Variants in ABCD2 observed in about 807,000 individuals in gnomAD.
The protein encoded by ABCD2 is ATP-binding cassette sub-family D member 2.
ABCD2 carries 36 observed loss-of-function variants against 70.9 expected under a neutral mutation model. That is an observed-to-expected ratio of 0.51 (90% CI 0.39 to 0.67). The LOEUF is 0.67. Among genes scored for constraint, ABCD2 ranks in the 30% least tolerant of loss-of-function variants. The pLI is 0.00. For synonymous variants in ABCD2, 304 were observed against 306.9 expected, an observed-to-expected ratio of 0.99 and a Z score of 0.10; for missense variants, 729 against 890.2, an observed-to-expected ratio of 0.82 and a Z score of 2.30.
intron 9 of ABCD2, among the ~76,000 whole-genome samples, chr12:39,566,001 CT>C (rs1205231663): frequency 6.6e-6 from 1 of 152,106 alleles, no homozygotes. Context: ...GGTGGATAAG[CT>C]TTTTGATGTG....
Position 39,586,154 on chromosome 12 carries a change from C to G in ABCD2, c.1790G>C (p.Gly597Ala), listed in dbSNP as rs1269634027. 1 of 1,607,596 alleles carries G rather than the reference C, an allele frequency of 6.2e-7. No individual in the cohort carries two copies. The highest frequency in any genetic ancestry group is 8.5e-7 in the Non-Finnish European group (1 of 1,177,274). Residue 597 changes from glycine (G) to alanine (A), a missense_variant and splice_region_variant, in exon 7 of 10, where the codon GGA (glycine) becomes GCA (alanine). Gly to Ala is a moderately conservative substitution (Grantham distance 60). Coordinates refer to ENST00000308666, the MANE Select transcript of ABCD2 (RefSeq NM_005164.4). ...VHLYHIVQRE[G>A]GWDAVMDWKD... Reference sequence around the variant, plus strand: ...TAGAAAAGAATGATAGACTTTACCTCCTTCTCTTTGAACTATGTGATAGAG... The same window carrying G: ...TAGAAAAGAATGATAGACTTTACCTGCTTCTCTTTGAACTATGTGATAGAG...
At chr12:39,597,361 G>A (rs1484817322) in intron 6 of ABCD2, among the ~76,000 whole-genome samples, 2 of 152,096 alleles carry the variant, frequency 1.3e-5, no homozygotes, top group Non-Finnish European at 2.9e-5. Context: ...AAGTAAAAGG[G>A]TGGGTTTAGG....
intron 8 of ABCD2, among the ~76,000 whole-genome samples, chr12:39,577,509 G>A (rs2120608003): frequency 6.6e-6 from 1 of 152,216 alleles, no homozygotes; most frequent in Non-Finnish European, 1.5e-5. Flanking sequence ...AAGGTAGGTG[G>A]GGCCTGGGAG....
chr12:39,534,693 A>C, the ABCD2 span, among the ~76,000 whole-genome samples: 3 of 86,336 alleles, frequency 3.5e-5, no homozygotes, highest in East Asian at 3.0e-4. Flanking sequence ...GAAGGAAGGA[A>C]GGAAGGACGG....
intron 6 of ABCD2, among the ~76,000 whole-genome samples, chr12:39,589,698 A>G (rs374126436): frequency 1.3e-4 from 19 of 151,970 alleles, no homozygotes; most frequent in African/African-American, 4.3e-4. Context: ...TATCTGAGCT[A>G]TTGTTATTTA....
chr12:39,619,121 C>A lies in ABCD2; in HGVS notation c.495G>T (p.Arg165Ser), dbSNP rs1343993164. 3.1e-6 allele frequency: 5 copies of A among 1,614,172 alleles called. No homozygotes were observed. The South Asian group carries it at 3.3e-5, about 11-fold the overall frequency. ...IPATFVNSAI[R>S]YLECKLALAF... ...CCAAAGCCAATTTGCATTCCAGGTA[C>A]CTTATTGCACTGTTGACGAAGGTAG... Residue 165 changes from arginine (R) to serine (S), a missense_variant, in exon 1 of 10, where the codon AGG becomes AGT. This residue lies in a region of ABCD2 where 245 missense variants were observed against 261.2 expected (regional missense o/e 0.94). Transcript: ENST00000308666.
chr12:39,559,245 G>A (rs1309583494), intron 9 of ABCD2, among the ~76,000 whole-genome samples: 1 of 151,812 alleles, frequency 6.6e-6, no homozygotes, highest in Admixed American at 6.6e-5. Flanking sequence ...GGTGGTGTGT[G>A]CCTGTACTCT....
At chr12:39,614,360 T>C (rs1942086975) in intron 2 of ABCD2, among the ~76,000 whole-genome samples, 1 of 152,200 alleles carries the variant, frequency 6.6e-6, no homozygotes, top group East Asian at 1.9e-4. Flanking sequence ...TGTGTATAAT[T>C]ATCTCTATAG....
At position 39,550,648 on chromosome 12, in the gene ABCD2, A is replaced by G. The variant is rs1442133272; in HGVS notation, c.*3264T>C. 6.6e-6 allele frequency: 1 copy of G among 151,808 alleles called. No homozygotes were observed. Among genetic ancestry groups the G allele is most frequent in the Non-Finnish European group, 1.5e-5 (1 of 67,724 alleles). 9.4% of individuals were successfully genotyped at this position (151,808 alleles called of 1,614,324 possible). A position where few individuals can be genotyped will look rare whatever the true frequency, so the allele number is the denominator to read the frequency against. On this transcript the variant is annotated 3_prime_UTR_variant, in exon 10 of 10. Coordinates refer to ENST00000308666, the MANE Select transcript of ABCD2 (RefSeq NM_005164.4). ...CAAAACATATTCAACCCCAAAACATATTCAACATATCTAAATGTATATAAT... is the reference window on the plus strand; with the variant it reads ...CAAAACATATTCAACCCCAAAACATGTTCAACATATCTAAATGTATATAAT...
chr12:39,564,389 G>A (rs1395699383), intron 9 of ABCD2, among the ~76,000 whole-genome samples: 1 of 152,214 alleles, frequency 6.6e-6, no homozygotes, highest in African/African-American at 2.4e-5. Flanking sequence ...ATGATGATGA[G>A]CATTTCTTCA....
chr12:39,615,841 C>T (rs1457036854), intron 2 of ABCD2, among the ~76,000 whole-genome samples: 1 of 152,012 alleles, frequency 6.6e-6, no homozygotes, highest in African/African-American at 2.4e-5. Flanking sequence ...TACAAAATAA[C>T]TATAAAACAG....
rs745852510 is a variant in ABCD2, at chr12:39,619,449, G to C, written c.167C>G (p.Ala56Gly). 1 of 1,614,044 alleles carries C rather than the reference G, an allele frequency of 6.2e-7. No individual in the cohort carries two copies. The highest frequency in any genetic ancestry group is 1.1e-5 in the South Asian group (1 of 91,076). Residue 56 changes from alanine to glycine, a missense_variant, in exon 1 of 10, where the codon GCT becomes GGT. Physicochemically the swap from Ala to Gly is moderately conservative, Grantham distance 60. Around this residue, in one of 3 missense-constraint regions of ABCD2, gnomAD observed 245 missense variants for 261.2 expected, o/e 0.94. Coordinates refer to ENST00000308666, the MANE Select transcript of ABCD2 (RefSeq NM_005164.4). Reference sequence around the variant, plus strand: ...TTCTGTGTTCTCTGCAGCAGGGTAAGCTGCTGCTTTTTTCTTCCCGTGGCC... The same window carrying C: ...TTCTGTGTTCTCTGCAGCAGGGTAACCTGCTGCTTTTTTCTTCCCGTGGCC... ...QSGHGKKKAA[A>G]YPAAENTEIL...
At chr12:39,592,594 A>G (rs191249646) in intron 6 of ABCD2, among the ~76,000 whole-genome samples, 1 of 152,360 alleles carries the variant, frequency 6.6e-6, no homozygotes, top group East Asian at 1.9e-4. Context: ...TCCCAAAGCC[A>G]TATTTCTTTG....
intron 6 of ABCD2, among the ~76,000 whole-genome samples, chr12:39,597,711 T>C (rs1449209594): frequency 1.3e-5 from 2 of 152,222 alleles, no homozygotes; most frequent in Non-Finnish European, 2.9e-5. Flanking sequence ...CATTTTAACA[T>C]CCACCATTCC....
rs58771682 is a variant in ABCD2 at position 39,607,745 on chromosome 12, GTTT to G, written c.1121-34_1121-32del. The G allele has an allele frequency of 8.6e-4, 667 of 774,522 alleles. 1 individual carries two copies. Among genetic ancestry groups the G allele is most frequent in the Non-Finnish European group, 9.8e-4 (506 of 514,284 alleles). The allele number at this position is 774,522 out of a possible 1,614,324, so 48.0% of individuals were successfully genotyped here. A position where few individuals can be genotyped will look rare whatever the true frequency, so the allele number is the denominator to read the frequency against. On this transcript the variant is annotated intron_variant, in intron 2 of 9. Transcript: ENST00000308666. The stretch of plus-strand genomic sequence containing the variant: ...TATAAAAACAAATTACAAAACTTGA[GTTT>G]TTTTTTTTTTTTTTTTTAGTAACTT...
intron 9 of ABCD2, among the ~76,000 whole-genome samples, chr12:39,554,733 G>A (rs914330609): frequency 6.6e-6 from 1 of 152,072 alleles, no homozygotes; most frequent in Non-Finnish European, 1.5e-5. Context: ...CTTCACAGAG[G>A]TACAGAGATT....
rs145840107 is a variant in ABCD2, at chr12:39,604,776, G to A, written c.1391C>T (p.Thr464Ile). The change falls in exon 4 of 10, where the codon ACA (threonine) becomes ATA (isoleucine). Residue 464 changes from threonine (T) to isoleucine (I), a missense_variant. Transcript: ENST00000308666. ...GAKVELPLSD[T>I]LAIKGKVIDV... ...GAGTTTAATACCTTTAATTGCCAAT[G>A]TGTCACTGAGAGGTAATTCTACCTT... 7 of 1,596,792 alleles carry A rather than the reference G, an allele frequency of 4.4e-6. No individual in the cohort carries two copies. In the African/African-American group the frequency reaches 6.8e-5, roughly 15 times the overall value.
chr12:39,596,152 A>G (rs1941811994), intron 6 of ABCD2, among the ~76,000 whole-genome samples: 1 of 152,182 alleles, frequency 6.6e-6, no homozygotes, highest in South Asian at 2.1e-4. Context: ...GCTTACTTGA[A>G]TCTGTGGTAT....
chr12:39,615,049 T>C (rs2120783063), intron 2 of ABCD2, among the ~76,000 whole-genome samples: 1 of 149,022 alleles, frequency 6.7e-6, no homozygotes, highest in South Asian at 2.1e-4. Context: ...TTTTCAGGAT[T>C]TGTGGGATTT....
Sources: gnomAD v4.1 joint callset for allele counts (sites outside exome capture counted in the v4.1 genomes callset) on GRCh38, gnomAD v4.1.1 for gene constraint, gnomAD v4.1.1 regional missense constraint, MANE v1.5 for transcripts, NCBI Gene and HGNC (gene_info 2026-07-23, HGNC 2026-07-21) for gene names.